MRI1: variants seen among roughly 807,000 people sequenced by gnomAD.
The protein encoded by MRI1 is methylthioribose-1-phosphate isomerase 1, also known as methylthioribose-1-phosphate isomerase.
MRI1 carries 32 observed loss-of-function variants against 27.3 expected under a neutral mutation model. The observed-to-expected ratio is 1.17, with a 90% confidence interval of 0.88 to 1.57. The LOEUF is 1.57. MRI1 is among the 40% of genes most tolerant of loss of function. The pLI is 0.00. For missense variants in MRI1, 508 were observed against 516.1 expected (o/e 0.98, Z 0.15); for synonymous variants, 216 against 227.4 (o/e 0.95, Z 0.45).
At position 13,764,863 on chromosome 19, in the gene MRI1, C is replaced by T. The variant is rs1204774855; in HGVS notation, c.133-8C>T. The T allele has an allele frequency of 1.5e-6, 2 of 1,340,488 alleles. No individual in the cohort carries two copies. The highest frequency in any genetic ancestry group is 1.5e-5 in the African/African-American group (1 of 65,438). The allele number at this position is 1,340,488 out of a possible 1,614,324, so 83.0% of individuals were successfully genotyped here. ...GCAGCTTCCGACGCCCAAATCCCTGCCCCGCAGGTGCGGGGCGCCCCGGCC... is the reference window on the plus strand; with the variant it reads ...GCAGCTTCCGACGCCCAAATCCCTGTCCCGCAGGTGCGGGGCGCCCCGGCC... On this transcript the variant is annotated splice_region_variant and splice_polypyrimidine_tract_variant and intron_variant, in intron 1 of 5. Coordinates refer to ENST00000040663, the MANE Select transcript of MRI1 (RefSeq NM_001031727.4).
chr19:13,766,253 CGGAAACA>C, intron 3 of MRI1, 124 bp downstream of exon 3: 2 of 884,396 alleles, frequency 2.3e-6, no homozygotes, highest in Non-Finnish European at 3.3e-6. Context: ...AGTTCTAGTA[CGGAAACA>C]CTTATACAGT....
chr19:13,769,560 T>C (rs546790250), intron 5 of MRI1, among the ~76,000 whole-genome samples: 1 of 152,334 alleles, frequency 6.6e-6, no homozygotes, highest in South Asian at 2.1e-4. Context: ...AGTAACTGTC[T>C]TGCTATTCTC....
rs371049753 is a variant in MRI1 at position 13,770,592 on chromosome 19, T to TA, written c.950-1520dup. On this transcript the variant is annotated intron_variant, in intron 5 of 5. Coordinates refer to ENST00000040663, the MANE Select transcript of MRI1 (RefSeq NM_001031727.4). ...ACAGAGCGAAACTCCATCTCAAAAA[T>TA]AAAAAAAAAGGCCGAGCGCTGTGGC... Among the ~76,000 whole-genome samples the TA allele has an allele frequency of 7.6e-5, 11 of 144,220 alleles. No homozygotes were observed. In the East Asian group the frequency reaches 8.1e-4, roughly 11 times the overall value. The allele number at this position is 144,220 out of a possible 152,430, so 94.6% of individuals were successfully genotyped here. A position where few individuals can be genotyped will look rare whatever the true frequency, so the allele number is the denominator to read the frequency against.
Position 13,764,582 on chromosome 19 carries a change from C to A in MRI1, c.-7C>A. ...CTCTGAGTTGCGCTGGGCTTGGCTG[C>A]TGCACCATGACCCTGGAGGCGATCC... is the stretch of plus-strand genomic sequence containing the variant. On this transcript the variant is annotated 5_prime_UTR_variant, in exon 1 of 6. The change creates a new upstream start codon in the 5' untranslated region. Transcript: ENST00000040663. The A allele has an allele frequency of 6.2e-7, 1 of 1,607,472 alleles. No homozygotes were observed. The highest frequency in any genetic ancestry group is 8.5e-7 in the Non-Finnish European group (1 of 1,178,240).
chr19:13,765,920 G>C, intron 2 of MRI1, 34 bp from the exon 3 acceptor site: 8 of 1,554,804 alleles, frequency 5.1e-6, no homozygotes, highest in Non-Finnish European at 6.1e-6. Flanking sequence ...CCCGGGTCCT[G>C]GTGGCTGGTG....
intron 5 of MRI1, among the ~76,000 whole-genome samples, chr19:13,769,335 T>A (rs1974221511): frequency 6.6e-6 from 1 of 152,036 alleles, no homozygotes; most frequent in South Asian, 2.1e-4. Context: ...GGCTAATTTT[T>A]GTATTTTTAG....
chr19:13,771,231 G>T (rs1360447380), intron 5 of MRI1, among the ~76,000 whole-genome samples: 1 of 151,896 alleles, frequency 6.6e-6, no homozygotes, highest in African/African-American at 2.4e-5. Flanking sequence ...GCTGGGCGAG[G>T]TGGCAGGCGC....
rs1974119123 is a variant in MRI1 at position 13,766,139 on chromosome 19, C to T, written c.547+10C>T. 3.3e-6 allele frequency: 5 copies of T among 1,529,260 alleles called. No individual in the cohort carries two copies. The highest frequency in any genetic ancestry group is 4.4e-6 in the Non-Finnish European group (5 of 1,135,700). 94.7% of individuals were successfully genotyped at this position (1,529,260 alleles called of 1,614,324 possible). A position where few individuals can be genotyped will look rare whatever the true frequency, so the allele number is the denominator to read the frequency against. ...TATGGTACAGCCCTAGGTGAGAGGG[C>T]CTCCTCAGGGGGTAGGGGAGGGCCT... is the stretch of plus-strand genomic sequence containing the variant. On this transcript the variant is annotated intron_variant, in intron 3 of 5. Transcript: ENST00000040663.
rs1251919879 is a variant in MRI1 at position 13,766,052 on chromosome 19, C to A, written c.470C>A (p.Pro157His). 1 of 1,613,090 alleles carries A rather than the reference C, an allele frequency of 6.2e-7. No homozygotes were observed. The highest frequency in any genetic ancestry group is 8.5e-7 in the Non-Finnish European group (1 of 1,179,844). ...CGCCACCTCCTGGAGCGGGTGGCCCCCAGCGGTGGCAAGGTGACTGTGCTG... is the reference window on the plus strand; with the variant it reads ...CGCCACCTCCTGGAGCGGGTGGCCCACAGCGGTGGCAAGGTGACTGTGCTG... ...GARHLLERVAPSGGKVTVLTH... is the reference protein window; with the variant it reads ...GARHLLERVAHSGGKVTVLTH... The change falls in exon 3 of 6, where the codon CCC becomes CAC. Residue 157 changes from proline (P) to histidine (H), a missense_variant. By Grantham distance (77) the Pro-to-His change is moderately conservative. Transcript: ENST00000040663.
At chr19:13,771,784 G>T (rs1441835904) in intron 5 of MRI1, among the ~76,000 whole-genome samples, 1 of 152,128 alleles carries the variant, frequency 6.6e-6, no homozygotes, top group Non-Finnish European at 1.5e-5. Context: ...TGAAACCTGG[G>T]AGGTGGAGGT....
At chr19:13,771,238 G>C (rs8110989) in intron 5 of MRI1, among the ~76,000 whole-genome samples, 32,746 of 151,186 alleles carry the variant, frequency 0.22, 4,609 homozygotes, top group East Asian at 0.37. Flanking sequence ...GAGGTGGCAG[G>C]CGCCTGTAAT....
chr19:13,768,485 G>T, intron 3 of MRI1, 76 bp from the exon 4 acceptor site: 1 of 1,590,206 alleles, frequency 6.3e-7, no homozygotes. Flanking sequence ...CTAGGAGCCT[G>T]CACCCCTAAC....
chr19:13,768,799 A>G (rs369075652), intron 4 of MRI1, 25 bp from the exon 5 acceptor site: 27 of 1,593,002 alleles, frequency 1.7e-5, no homozygotes, highest in Non-Finnish European at 2.3e-5. Flanking sequence ...AATGACCCCC[A>G]ACTTCTCATA....
intron 2 of MRI1, 127 bp downstream of exon 2, chr19:13,765,236 C>T (rs1974096596): frequency 1.3e-6 from 1 of 748,840 alleles, no homozygotes; most frequent in Non-Finnish European, 2.0e-6. Context: ...TCCAGGGCCC[C>T]ACAGATGGGG....
At chr19:13,770,250 A>AAT (rs1974241175) in intron 5 of MRI1, among the ~76,000 whole-genome samples, 1 of 152,204 alleles carries the variant, frequency 6.6e-6, no homozygotes, top group Non-Finnish European at 1.5e-5. Flanking sequence ...GCGGTCAGTG[A>AAT]ATTAACCCAC....
rs1974085102 is a variant in MRI1, at chr19:13,764,978, C to G, written c.240C>G (p.Arg80=). ...TCGCCGCGCTCGTGGCCTTCGTGCG[C>G]GACAAGCTGAGCTTCCTCGTCACCG... ...PGLAALVAFV[R]DKLSFLVTAR... Residue 80 remains arginine (R), a synonymous_variant, in exon 2 of 6, where the codon CGC becomes CGG. Transcript: ENST00000040663. 3 of 1,518,608 alleles carry G rather than the reference C, an allele frequency of 2.0e-6. No homozygotes were observed. Among genetic ancestry groups the G allele is most frequent in the Non-Finnish European group, 2.6e-6 (3 of 1,139,392 alleles). The allele number at this position is 1,518,608 out of a possible 1,614,324, so 94.1% of individuals were successfully genotyped here.
Position 13,766,414 on chromosome 19 carries a change from C to G in MRI1, c.547+285C>G, listed in dbSNP as rs780605876. Among the ~76,000 whole-genome samples the G allele has an allele frequency of 3.0e-4, 46 of 152,124 alleles. 1 individual carries two copies. The highest frequency in any genetic ancestry group is 7.9e-4 in the Admixed American group (12 of 15,268). Reference sequence around the variant, plus strand: ...AGGGTCCAAATCATGAGGAAAAGAGCCTCCTATACTAGAAAAGTCTCCTTG... The same window carrying G: ...AGGGTCCAAATCATGAGGAAAAGAGGCTCCTATACTAGAAAAGTCTCCTTG... On this transcript the variant is annotated intron_variant, in intron 3 of 5. Coordinates refer to ENST00000040663, the MANE Select transcript of MRI1 (RefSeq NM_001031727.4).
At chr19:13,768,376 G>T in intron 3 of MRI1, 185 bp from the exon 4 acceptor site, 8 of 1,497,390 alleles carry the variant, frequency 5.3e-6, no homozygotes, top group Non-Finnish European at 7.3e-6. Flanking sequence ...ACGGAGCTAT[G>T]CGAGCATTGG....
In MRI1 at chr19:13,764,866, C is replaced by T; in HGVS notation, c.133-5C>T. 1 of 1,343,966 alleles carries T rather than the reference C, an allele frequency of 7.4e-7. No homozygotes were observed. Among genetic ancestry groups the T allele is most frequent in the Non-Finnish European group, 9.5e-7 (1 of 1,051,238 alleles). The allele number at this position is 1,343,966 out of a possible 1,614,324, so 83.3% of individuals were successfully genotyped here. ...GCTTCCGACGCCCAAATCCCTGCCC[C>T]GCAGGTGCGGGGCGCCCCGGCCATA... On this transcript the variant is annotated splice_region_variant and splice_polypyrimidine_tract_variant and intron_variant, in intron 1 of 5. Transcript: ENST00000040663.
Sources: allele counts gnomAD v4.1 joint callset (sites outside exome capture counted in the v4.1 genomes callset), GRCh38; gene constraint gnomAD v4.1.1; transcripts MANE v1.5; gene names NCBI Gene and HGNC (gene_info 2026-07-23, HGNC 2026-07-21).